RASEF: variants seen among roughly 807,000 people sequenced by gnomAD.
RASEF encodes the protein ras and EF-hand domain-containing protein.
In RASEF, 68 loss-of-function variants were observed where a neutral mutation model predicts 90.1. The observed-to-expected ratio is 0.75, with a 90% CI of 0.62 to 0.92. RASEF has a LOEUF of 0.92. RASEF is among the 40% of genes least tolerant of loss of function. The probability of loss-of-function intolerance (pLI) is 0.00; values close to 1 mark genes in which losing one functional copy is unlikely to be tolerated. For synonymous variants in RASEF, 331 were observed against 345.2 expected (o/e 0.96, Z 0.46); for missense variants, 949 against 937.2 (o/e 1.01, Z -0.16).
chr9:83,056,448 A>G (rs1013467543), intron 1 of RASEF, among the ~76,000 whole-genome samples: 7 of 152,224 alleles, frequency 4.6e-5, no homozygotes, highest in Non-Finnish European at 7.3e-5. Context: ...CTAAATTGTA[A>G]TAAGTGATAC....
the RASEF span, among the ~76,000 whole-genome samples, chr9:83,175,462 A>G: frequency 5.3e-5 from 8 of 152,172 alleles, no homozygotes; most frequent in Non-Finnish European, 8.8e-5. Flanking sequence ...AAACCCTAGT[A>G]GTAGTAGTGT....
Position 82,998,455 on chromosome 9 carries a change from G to A in RASEF, c.1724-9C>T, listed in dbSNP as rs1414228476. On this transcript the variant is annotated splice_polypyrimidine_tract_variant and intron_variant, in intron 12 of 16. Coordinates refer to ENST00000376447, the MANE Select transcript of RASEF (RefSeq NM_152573.4). ...CATTTGGAAATCAACTCCTGAAAAG[G>A]AATGTGAGAGTGGAGAGCACGATGT... 1 of 1,549,512 alleles carries A rather than the reference G, an allele frequency of 6.5e-7. No individual in the cohort carries two copies. Among genetic ancestry groups the A allele is most frequent in the South Asian group, 1.1e-5 (1 of 89,748 alleles).
chr9:83,122,648 T>C, the RASEF span, among the ~76,000 whole-genome samples: 1 of 152,124 alleles, frequency 6.6e-6, no homozygotes, highest in African/African-American at 2.4e-5. Context: ...AAATTATATT[T>C]ATAAAGAGCT....
At chr9:83,063,960 C>T (rs1011971853), upstream of RASEF, among the ~76,000 whole-genome samples, 2 of 152,108 alleles carry the variant, frequency 1.3e-5, no homozygotes, top group African/African-American at 4.8e-5. Flanking sequence ...TGCCTTTAGG[C>T]GATTCTCATA....
At chr9:83,157,820 G>T in the RASEF span, among the ~76,000 whole-genome samples, 1 of 152,186 alleles carries the variant, frequency 6.6e-6, no homozygotes, top group Admixed American at 6.6e-5. Flanking sequence ...TAATCAAAGT[G>T]TAACTTTTAC....
chr9:83,167,095 C>CT, the RASEF span, among the ~76,000 whole-genome samples: 16 of 151,722 alleles, frequency 1.1e-4, no homozygotes, highest in Non-Finnish European at 2.1e-4. Context: ...CAAAGTAGCA[C>CT]TTTTTTTTTC....
chr9:83,081,536 C>T, the RASEF span, among the ~76,000 whole-genome samples: 1 of 152,134 alleles, frequency 6.6e-6, no homozygotes, highest in Non-Finnish European at 1.5e-5. Flanking sequence ...GAATGATGTT[C>T]CACATTTTCT....
intron 9 of RASEF, among the ~76,000 whole-genome samples, chr9:83,002,055 T>C (rs992059126): frequency 6.6e-6 from 1 of 152,204 alleles, no homozygotes; most frequent in African/African-American, 2.4e-5. Context: ...TTACTTTAGC[T>C]TTTCCATTTG....
intron 15 of RASEF, among the ~76,000 whole-genome samples, chr9:82,991,045 T>C (rs759692598): frequency 1.0e-3 from 159 of 152,190 alleles, no homozygotes; most frequent in Non-Finnish European, 1.7e-3. Flanking sequence ...AAAATGCTTT[T>C]CCATGGCCAA....
At chr9:83,192,149 G>T in the RASEF span, among the ~76,000 whole-genome samples, 1 of 152,084 alleles carries the variant, frequency 6.6e-6, no homozygotes, top group African/African-American at 2.4e-5. Flanking sequence ...CAGTGTTGTG[G>T]TTCCTCAAAG....
At chr9:83,065,033 A>T (rs1332737480), upstream of RASEF, among the ~76,000 whole-genome samples, 1 of 152,182 alleles carries the variant, frequency 6.6e-6, no homozygotes, top group African/African-American at 2.4e-5. Flanking sequence ...GCGCCACTGC[A>T]CTCCAGCCTG....
At chr9:83,111,293 A>G in the RASEF span, among the ~76,000 whole-genome samples, 6 of 152,234 alleles carry the variant, frequency 3.9e-5, no homozygotes, top group Non-Finnish European at 8.8e-5. Context: ...CAAGACATCA[A>G]TTCTTCCAAA....
the RASEF span, among the ~76,000 whole-genome samples, chr9:83,185,015 G>C: frequency 6.6e-5 from 10 of 152,080 alleles, no homozygotes; most frequent in African/African-American, 2.4e-4. Flanking sequence ...CTGTGGGGTG[G>C]GGCCAGAAAT....
the RASEF span, among the ~76,000 whole-genome samples, chr9:83,193,541 G>C: frequency 6.6e-6 from 1 of 152,222 alleles, no homozygotes; most frequent in Admixed American, 6.5e-5. Context: ...CCATAATCTG[G>C]ATCAAATGGA....
intron 1 of RASEF, among the ~76,000 whole-genome samples, chr9:83,037,744 A>AT (rs35483330): frequency 0.13 from 17,195 of 131,764 alleles, 1,422 homozygotes; most frequent in African/African-American, 0.21. Flanking sequence ...TAAATGTCCT[A>AT]TTTTTTTTTT....
At chr9:83,164,303 AT>A in the RASEF span, among the ~76,000 whole-genome samples, 1 of 148,302 alleles carries the variant, frequency 6.7e-6, no homozygotes, top group African/African-American at 2.4e-5. Flanking sequence ...GTTCAAAAAA[AT>A]AATAGCGACA....
the RASEF span, among the ~76,000 whole-genome samples, chr9:83,160,527 AG>A: frequency 6.6e-6 from 1 of 152,218 alleles, no homozygotes; most frequent in Non-Finnish European, 1.5e-5. Context: ...GCACCGATAA[AG>A]GCATTCAAGT....
the RASEF span, among the ~76,000 whole-genome samples, chr9:83,112,686 T>G: frequency 7.2e-6 from 1 of 139,670 alleles, no homozygotes; most frequent in Non-Finnish European, 1.5e-5. Context: ...AAACTCGGTC[T>G]CAAAAAAAAA....
chr9:83,203,852 G>C, the RASEF span, among the ~76,000 whole-genome samples: 2 of 152,200 alleles, frequency 1.3e-5, no homozygotes, highest in East Asian at 3.9e-4. Context: ...GCTGGAGCAA[G>C]AGGATGAGAG....
Sources: gnomAD v4.1 joint callset for allele counts (sites outside exome capture counted in the v4.1 genomes callset) on GRCh38, gnomAD v4.1.1 for gene constraint, MANE v1.5 for transcripts, NCBI Gene and HGNC (gene_info 2026-07-23, HGNC 2026-07-21) for gene names.